FGF14: variants seen among roughly 807,000 people sequenced by gnomAD.
FGF14 encodes fibroblast growth factor 14.
A neutral mutation model predicts 25.5 loss-of-function variants in FGF14; 5 were observed. The observed-to-expected ratio is 0.20, with a 90% CI of 0.10 to 0.41. The LOEUF (loss-of-function observed/expected upper bound fraction) is 0.41. FGF14 is among the 10% of genes least tolerant of loss of function. The pLI, the probability that FGF14 is intolerant of heterozygous loss-of-function variation, is 1.00. For missense variants in FGF14, 222 were observed against 320.1 expected (o/e 0.69, Z 2.34); for synonymous variants, 138 against 118.3 (o/e 1.17, Z -1.08).
At chr13:101,896,897 T>C (rs781637350) in intron 1 of FGF14, among the ~76,000 whole-genome samples, 57 of 152,280 alleles carry the variant, frequency 3.7e-4, no homozygotes, top group South Asian at 3.5e-3. Context: ...TAACTTTATC[T>C]ATAAAATAAG....
intron 1 of FGF14, among the ~76,000 whole-genome samples, chr13:102,105,970 ATGG>A (rs1319627000): frequency 2.0e-5 from 3 of 152,232 alleles, no homozygotes; most frequent in African/African-American, 7.2e-5. Flanking sequence ...TTTATGAAAG[ATGG>A]TGGTGGATTA....
intron 4 of FGF14, 112 bp from the exon 5 acceptor site, chr13:101,723,079 G>T: frequency 7.9e-7 from 1 of 1,267,580 alleles, no homozygotes; most frequent in Non-Finnish European, 1.1e-6. Context: ...TGTTTTCCCT[G>T]AAGTAAAGCA....
rs568360666 is a variant in FGF14, at chr13:102,080,739, G to A, written c.209-205443C>T. On this transcript the variant is annotated intron_variant, in intron 1 of 4. Coordinates refer to the FGF14 transcript ENST00000376131. ...TTGTCAATGTAGACAGCAGAATGAG[G>A]ATTAGCTGGGCTCCAGAAGAGTTCA... 1.4e-3 allele frequency among the ~76,000 whole-genome samples: 211 copies of A among 152,338 alleles called. 1 individual carries two copies. The highest frequency in any genetic ancestry group is 2.7e-3 in the Non-Finnish European group (183 of 68,038).
chr13:101,991,802 A>G (rs1161316309), intron 1 of FGF14, among the ~76,000 whole-genome samples: 1 of 152,108 alleles, frequency 6.6e-6, no homozygotes, highest in African/African-American at 2.4e-5. Context: ...GAAAGGGGCT[A>G]GTCTCGGCAA....
At chr13:101,748,021 AT>A (rs2139820939) in intron 3 of FGF14, among the ~76,000 whole-genome samples, 1 of 152,072 alleles carries the variant, frequency 6.6e-6, no homozygotes, top group Non-Finnish European at 1.5e-5. Context: ...GTTGGTGGGG[AT>A]TTAACTTAGT....
chr13:101,910,539 C>T (rs1666962973), intron 1 of FGF14, among the ~76,000 whole-genome samples: 1 of 151,918 alleles, frequency 6.6e-6, no homozygotes, highest in African/African-American at 2.4e-5. Flanking sequence ...AACATACATT[C>T]CACAAAATAA....
At chr13:102,248,342 C>T (rs1489524542) in intron 1 of FGF14, among the ~76,000 whole-genome samples, 16 of 152,116 alleles carry the variant, frequency 1.1e-4, no homozygotes, top group Admixed American at 6.6e-4. Flanking sequence ...TTCTTTTTGA[C>T]TCTTAGAAAT....
chr13:102,032,954 G>C (rs1047841138), intron 1 of FGF14, among the ~76,000 whole-genome samples: 1 of 152,102 alleles, frequency 6.6e-6, no homozygotes, highest in Admixed American at 6.6e-5. Flanking sequence ...GGGGCCAACT[G>C]TGGTCCAAGA....
chr13:102,336,589 G>A (rs901247752), intron 1 of FGF14, among the ~76,000 whole-genome samples: 4 of 152,166 alleles, frequency 2.6e-5, no homozygotes, highest in Non-Finnish European at 5.9e-5. Context: ...TGATGAACGT[G>A]TCTACACTAA....
intron 1 of FGF14, among the ~76,000 whole-genome samples, chr13:101,882,786 A>T (rs1442358825): frequency 1.3e-5 from 2 of 152,168 alleles, no homozygotes; most frequent in African/African-American, 4.8e-5. Flanking sequence ...TAATGGGTAG[A>T]TAGTTGGAAA....
chr13:102,025,116 T>C (rs1221229761), intron 1 of FGF14, among the ~76,000 whole-genome samples: 1 of 151,824 alleles, frequency 6.6e-6, no homozygotes, highest in Admixed American at 6.6e-5. Flanking sequence ...TTTTGAGATC[T>C]GGGAATGTGA....
At chr13:102,144,961 A>G (rs1594134191) in intron 1 of FGF14, among the ~76,000 whole-genome samples, 1 of 152,308 alleles carries the variant, frequency 6.6e-6, no homozygotes, top group East Asian at 1.9e-4. Context: ...TTTAAGCAAA[A>G]TGAATATATA....
intron 1 of FGF14, among the ~76,000 whole-genome samples, chr13:101,939,525 T>C (rs1036552810): frequency 2.0e-5 from 3 of 152,234 alleles, no homozygotes; most frequent in Non-Finnish European, 4.4e-5. Flanking sequence ...TGAGTGAAGA[T>C]GTTACACTTA....
chr13:102,161,573 G>GAAGAAA lies in FGF14; in HGVS notation c.208+239897_208+239898insTTTCTT. Among the ~76,000 whole-genome samples the GAAGAAA allele has an allele frequency of 5.4e-4, 3 of 5,506 alleles. 1 individual carries two copies. In the South Asian group the frequency reaches 0.025, roughly 46 times the overall value. 3.6% of individuals were successfully genotyped at this position (5,506 alleles called of 152,430 possible). On this transcript the variant is annotated intron_variant, in intron 1 of 4. Coordinates refer to the FGF14 transcript ENST00000376131. ...ATGCAACCAACTTTCTGTGAAGAAA[G>GAAGAAA]AAAGAAGAAGAAGAAGAAGAAGAAG...
intron 1 of FGF14, among the ~76,000 whole-genome samples, chr13:102,034,375 T>C (rs751976274): frequency 6.6e-6 from 1 of 152,166 alleles, no homozygotes; most frequent in Non-Finnish European, 1.5e-5. Flanking sequence ...AAGTGATTTG[T>C]ATAAATAGAT....
chr13:102,175,364 G>T (rs2048403884), intron 1 of FGF14, among the ~76,000 whole-genome samples: 1 of 152,014 alleles, frequency 6.6e-6, no homozygotes, highest in African/African-American at 2.4e-5. Flanking sequence ...TTAAATAAAT[G>T]GTGCTGGGAA....
intron 1 of FGF14, chr13:102,368,094 T>G (rs1352049812): frequency 6.6e-6 from 1 of 152,088 alleles, no homozygotes; most frequent in Non-Finnish European, 1.5e-5. Context: ...GCTTGGGAAG[T>G]CCCCTGGCAT....
At chr13:101,964,838 C>A (rs1197001668) in intron 1 of FGF14, among the ~76,000 whole-genome samples, 1 of 152,086 alleles carries the variant, frequency 6.6e-6, no homozygotes, top group Admixed American at 6.6e-5. Flanking sequence ...TGTGCACTTT[C>A]CCTGATAGAG....
chr13:102,151,152 T>C (rs966205342), intron 1 of FGF14, among the ~76,000 whole-genome samples: 1 of 152,210 alleles, frequency 6.6e-6, no homozygotes, highest in Non-Finnish European at 1.5e-5. Flanking sequence ...TGAGGTTTTA[T>C]TATAGTACAA....
Sources: allele counts gnomAD v4.1 joint callset (sites outside exome capture counted in the v4.1 genomes callset), GRCh38; gene constraint gnomAD v4.1.1; transcripts MANE v1.5; gene names NCBI Gene and HGNC (gene_info 2026-07-23, HGNC 2026-07-21).